The following KIF2A variants were observed in gnomAD, a reference collection of about 807,000 sequenced individuals.
KIF2A encodes the protein kinesin-like protein KIF2A.
KIF2A carries 22 observed loss-of-function variants against 100.2 expected under a neutral mutation model. The observed-to-expected ratio is 0.22, with a 90% CI of 0.16 to 0.31. The LOEUF (loss-of-function observed/expected upper bound fraction) is 0.31, where lower values mean the gene tolerates loss of function less well. Among genes scored for constraint, KIF2A ranks in the 10% least tolerant of loss-of-function variants. KIF2A has a pLI of 1.00. For synonymous variants in KIF2A, 268 were observed against 285.9 expected (o/e 0.94, Z 0.63); for missense variants, 495 against 898.7 (o/e 0.55, Z 5.74).
At chr5:62,349,980 TTTTG>T (rs1435563794) in intron 3 of KIF2A, 82 bp from the exon 4 acceptor site, 6 of 810,172 alleles carry the variant, frequency 7.4e-6, no homozygotes, top group East Asian at 2.9e-5. Flanking sequence ...GTCTGCCTAC[TTTTG>T]TTTAATTGAA....
chr5:62,369,863 G>A (rs186735605), intron 16 of KIF2A, among the ~76,000 whole-genome samples: 55 of 152,260 alleles, frequency 3.6e-4, no homozygotes, highest in South Asian at 8.3e-4. Flanking sequence ...AGTGATTGAA[G>A]TGTTATTTCT....
intron 1 of KIF2A, among the ~76,000 whole-genome samples, chr5:62,310,628 T>C (rs558100378): frequency 1.3e-5 from 2 of 151,748 alleles, no homozygotes; most frequent in South Asian, 4.1e-4. Flanking sequence ...TTAATTGAAA[T>C]TGAGTGATCT....
chr5:62,346,151 A>T (rs1200801303), intron 1 of KIF2A, among the ~76,000 whole-genome samples: 1 of 152,092 alleles, frequency 6.6e-6, no homozygotes, highest in Non-Finnish European at 1.5e-5. Flanking sequence ...AAAAATAATT[A>T]TTTAGCTCTG....
At chr5:62,374,661 C>T (rs1741465627) in intron 18 of KIF2A, among the ~76,000 whole-genome samples, 1 of 152,066 alleles carries the variant, frequency 6.6e-6, no homozygotes, top group Admixed American at 6.6e-5. Context: ...TAAAAACAAG[C>T]CAGGCGCGGT....
At chr5:62,306,780 G>GGTGTCGAGGGTC (rs966147546) in intron 1 of KIF2A, 1 of 484,084 alleles carries the variant, frequency 2.1e-6, no homozygotes, top group African/African-American at 2.1e-5. Context: ...AAAGGGCCCG[G>GGTGTCGAGGGTC]GTGTCGAGGG....
intron 1 of KIF2A, among the ~76,000 whole-genome samples, chr5:62,330,882 G>A (rs949976520): frequency 4.6e-5 from 7 of 151,760 alleles, no homozygotes; most frequent in East Asian, 1.9e-4. Flanking sequence ...ATGAATCACC[G>A]GTGACTACTT....
At chr5:62,380,725 T>C (rs1375236012) in intron 19 of KIF2A, among the ~76,000 whole-genome samples, 1 of 152,204 alleles carries the variant, frequency 6.6e-6, no homozygotes, top group African/African-American at 2.4e-5. Flanking sequence ...AGGAGAATTA[T>C]ATTTACTATT....
At chr5:62,306,608 C>G (rs1745292002) in intron 1 of KIF2A, 72 bp downstream of exon 1, 2 of 1,258,462 alleles carry the variant, frequency 1.6e-6, no homozygotes, top group East Asian at 2.8e-5. Context: ...GACGCGGGCG[C>G]CGGCCGCCTC....
Position 62,386,164 on chromosome 5 carries a change from GTGAC to G in KIF2A, c.*597_*600del, listed in dbSNP as rs1168673821. 6.5e-6 allele frequency: 1 copy of G among 152,794 alleles called. No individual in the cohort carries two copies. The highest frequency in any genetic ancestry group is 1.5e-5 in the Non-Finnish European group (1 of 68,174). 9.5% of individuals were successfully genotyped at this position (152,794 alleles called of 1,614,324 possible). A position where few individuals can be genotyped will look rare whatever the true frequency, so the allele number is the denominator to read the frequency against. On this transcript the variant is annotated 3_prime_UTR_variant, in exon 21 of 21. Transcript: ENST00000407818. ...ACTGTATTTGAGACATTTTTTGTGT[GTGAC>G]TAGTTAATTTTGCAGGATGTGCCAT...
intron 2 of KIF2A, among the ~76,000 whole-genome samples, chr5:62,347,599 C>T (rs1316636537): frequency 6.6e-6 from 1 of 151,822 alleles, no homozygotes; most frequent in Non-Finnish European, 1.5e-5. Context: ...AATTCTAAAT[C>T]TCATTTGTAA....
chr5:62,384,907 C>T (rs1382798196), intron 20 of KIF2A, among the ~76,000 whole-genome samples: 1 of 152,150 alleles, frequency 6.6e-6, no homozygotes, highest in Admixed American at 6.5e-5. Context: ...CTTTGGGAGG[C>T]CAAGGCGGGC....
chr5:62,359,809 T>C (rs1748299506), intron 9 of KIF2A, among the ~76,000 whole-genome samples: 1 of 152,144 alleles, frequency 6.6e-6, no homozygotes, highest in Non-Finnish European at 1.5e-5. Context: ...ACATGTTTTT[T>C]TGTGGGTAGG....
intron 1 of KIF2A, among the ~76,000 whole-genome samples, chr5:62,333,146 C>T (rs970103826): frequency 2.6e-5 from 4 of 152,252 alleles, no homozygotes; most frequent in Admixed American, 6.5e-5. Context: ...ATTTAAAATG[C>T]GAATTGAGTT....
intron 1 of KIF2A, among the ~76,000 whole-genome samples, chr5:62,338,322 T>C (rs1481196565): frequency 6.6e-6 from 1 of 152,210 alleles, no homozygotes; most frequent in Non-Finnish European, 1.5e-5. Context: ...GGAGTCTTGC[T>C]GTGTCACCCA....
intron 1 of KIF2A, among the ~76,000 whole-genome samples, chr5:62,328,560 C>T (rs1314201990): frequency 1.3e-5 from 2 of 151,986 alleles, no homozygotes; most frequent in South Asian, 2.1e-4. Flanking sequence ...GGTGCGATCT[C>T]GGCTCAGTGC....
At chr5:62,347,916 A>G in intron 2 of KIF2A, 132 bp from the exon 3 acceptor site, 1 of 929,382 alleles carries the variant, frequency 1.1e-6, no homozygotes, top group Non-Finnish European at 1.6e-6. Context: ...GAGCCACTGC[A>G]CCCAGCCGAG....
chr5:62,308,222 T>C, intron 1 of KIF2A: 1 of 582,714 alleles, frequency 1.7e-6, no homozygotes, highest in Non-Finnish European at 2.7e-6. Flanking sequence ...GGGAAAGAGA[T>C]ACCTTCTTTA....
chr5:62,333,430 G>T (rs1016212046), intron 1 of KIF2A, among the ~76,000 whole-genome samples: 1 of 152,142 alleles, frequency 6.6e-6, no homozygotes, highest in African/African-American at 2.4e-5. Context: ...AGGAAGGAAC[G>T]GGAGGAAGAT....
intron 7 of KIF2A, among the ~76,000 whole-genome samples, chr5:62,355,990 A>G (rs1158309333): frequency 6.6e-6 from 1 of 151,936 alleles, no homozygotes; most frequent in East Asian, 1.9e-4. Context: ...CTTTTTGGTC[A>G]GGCTGGTCTC....
Sources: gnomAD v4.1 joint callset for allele counts (sites outside exome capture counted in the v4.1 genomes callset) on GRCh38, gnomAD v4.1.1 for gene constraint, MANE v1.5 for transcripts, NCBI Gene and HGNC (gene_info 2026-07-23, HGNC 2026-07-21) for gene names.